VPS13B: variants seen among roughly 807,000 people sequenced by gnomAD.
The protein encoded by VPS13B is vacuolar protein sorting 13 homolog B.
VPS13B carries 285 observed loss-of-function variants against 426.4 expected under a neutral mutation model. That is an observed-to-expected ratio of 0.67 (90% CI 0.61 to 0.74). The LOEUF is 0.74. Ranked by LOEUF, VPS13B falls within the 30% of genes least tolerant of loss-of-function variation. VPS13B has a pLI of 0.00. For synonymous variants in VPS13B, 1,676 were observed against 1,676.4 expected (o/e 1.00, Z 0.01); for missense variants, 4,537 against 4,782.6 (o/e 0.95, Z 1.51).
In VPS13B at chr8:99,808,443, G is replaced by A. The variant is rs1266399694; in HGVS notation, c.7942-932G>A. Among the ~76,000 whole-genome samples the A allele has an allele frequency of 2.7e-5, 4 of 150,138 alleles. No individual in the cohort carries two copies. The East Asian group carries it at 7.8e-4, about 29-fold the overall frequency. On this transcript the variant is annotated intron_variant, in intron 43 of 61. Transcript: ENST00000357162. Reference sequence around the variant, plus strand: ...AGGCAAGAGAATCGCTTGAACCCAGGACGTGGAGGTTGCAGTGAGCTGAGA... The same window carrying A: ...AGGCAAGAGAATCGCTTGAACCCAGAACGTGGAGGTTGCAGTGAGCTGAGA...
chr8:99,114,938 G>A (rs991794204), intron 6 of VPS13B, among the ~76,000 whole-genome samples: 2 of 152,262 alleles, frequency 1.3e-5, no homozygotes, highest in African/African-American at 4.8e-5. Context: ...ATATTCCACT[G>A]ATGTCTCTTT....
intron 3 of VPS13B, among the ~76,000 whole-genome samples, chr8:99,050,690 C>T (rs952956896): frequency 2.6e-5 from 4 of 152,202 alleles, no homozygotes; most frequent in Non-Finnish European, 5.9e-5. Context: ...TCCTCTCCAG[C>T]ACCTGTTGTT....
At chr8:99,466,035 C>T (rs188218493) in intron 23 of VPS13B, among the ~76,000 whole-genome samples, 7 of 152,114 alleles carry the variant, frequency 4.6e-5, no homozygotes, top group Non-Finnish European at 7.4e-5. Context: ...TATTTAGACT[C>T]CTCTAAAATA....
rs1357188829 is a variant in VPS13B, at chr8:99,642,181, A to G, written c.5591A>G (p.Gln1864Arg). 4.3e-6 allele frequency: 7 copies of G among 1,614,198 alleles called. No homozygotes were observed. Among genetic ancestry groups the G allele is most frequent in the South Asian group, 1.1e-5 (1 of 91,086 alleles). The change falls in exon 34 of 62, where the codon CAG becomes CGG. Residue 1864 changes from glutamine to arginine, a missense_variant. Gln to Arg is a conservative substitution (Grantham distance 43, BLOSUM62 1). Around this residue, in one of 2 missense-constraint regions of VPS13B, gnomAD observed 4,311 missense variants for 4,474.3 expected, o/e 0.96. Transcript: ENST00000357162. The stretch of plus-strand genomic sequence containing the variant: ...GATTCAGATGTTGCTAAGCCCAACC[A>G]GGCATGTATTTCCACGGTGACAGCA... ...EVDSDVAKPNQACISTVTAED... is the reference protein window; with the variant it reads ...EVDSDVAKPNRACISTVTAED...
intron 4 of VPS13B, among the ~76,000 whole-genome samples, chr8:99,102,519 A>T (rs748286812): frequency 3.3e-5 from 5 of 152,282 alleles, no homozygotes; most frequent in Middle Eastern, 3.4e-3. Flanking sequence ...CTGGTTTAAA[A>T]AGAGGCTTAA....
chr8:99,646,012 A>G (rs1829562071), intron 34 of VPS13B, among the ~76,000 whole-genome samples: 2 of 152,186 alleles, frequency 1.3e-5, no homozygotes, highest in South Asian at 4.1e-4. Context: ...CAGAGAGAGC[A>G]GTAAGTTGGG....
At chr8:99,812,849 G>A (rs1028162072) in intron 44 of VPS13B, among the ~76,000 whole-genome samples, 1 of 151,948 alleles carries the variant, frequency 6.6e-6, no homozygotes, top group Non-Finnish European at 1.5e-5. Context: ...ATTCTTCTTG[G>A]CACTGATCTA....
chr8:99,387,395 A>AT (rs1317092153), intron 20 of VPS13B, among the ~76,000 whole-genome samples: 8 of 151,224 alleles, frequency 5.3e-5, no homozygotes, highest in South Asian at 2.1e-4. Context: ...TTAAAAAACA[A>AT]TTTTTTTTGT....
intron 27 of VPS13B, among the ~76,000 whole-genome samples, chr8:99,504,198 C>T (rs1365853083): frequency 1.3e-5 from 2 of 152,308 alleles, no homozygotes; most frequent in East Asian, 3.9e-4. Flanking sequence ...CTTGCTTACT[C>T]TCTTACCATG....
intron 23 of VPS13B, among the ~76,000 whole-genome samples, chr8:99,461,632 T>C (rs1311040034): frequency 2.0e-5 from 3 of 152,186 alleles, no homozygotes; most frequent in Non-Finnish European, 4.4e-5. Context: ...AGTGAAAGCA[T>C]TGACAATTTC....
Position 99,143,097 on chromosome 8 carries a change from A to G in VPS13B, c.1775A>G (p.His592Arg). The G allele has an allele frequency of 6.2e-7, 1 of 1,614,072 alleles. No individual in the cohort carries two copies. Among genetic ancestry groups the G allele is most frequent in the Non-Finnish European group, 8.5e-7 (1 of 1,179,966 alleles). The change falls in exon 13 of 62, where the codon CAT (histidine) becomes CGT (arginine). Residue 592 changes from histidine (H) to arginine (R), a missense_variant. By Grantham distance (29) the His-to-Arg change is conservative (BLOSUM62 0). Transcript: ENST00000357162. ...TTTCGTTTGGATAGCAGTGCGGTGC[A>G]TAGGATTTTGAAAATGATTGTGTGT... ...LDFRLDSSAV[H>R]RILKMIVCAL...
rs1278724496 is a variant in VPS13B, at chr8:99,699,917, A to G, written c.6439A>G (p.Thr2147Ala). The G allele has an allele frequency of 6.2e-7, 1 of 1,614,024 alleles. No individual in the cohort carries two copies. The highest frequency in any genetic ancestry group is 2.2e-5 in the East Asian group (1 of 44,874). ...NLNGSLSVKA[T>A]QKVPGIILGS... ...CAATGGAAGCCTTAGTGTCAAGGCA[A>G]CACAAAAAGTACCTGGTAAGTCACA... Residue 2147 changes from threonine (T) to alanine (A), a missense_variant, in exon 36 of 62, where the codon ACA becomes GCA. By Grantham distance (58) the Thr-to-Ala change is moderately conservative. Transcript: ENST00000357162.
intron 19 of VPS13B, among the ~76,000 whole-genome samples, chr8:99,275,898 C>CA (rs1818869032): frequency 6.6e-6 from 1 of 152,044 alleles, no homozygotes; most frequent in Admixed American, 6.5e-5. Context: ...TTAGCAAAGT[C>CA]AGGGTGTTCA....
At chr8:99,699,329 A>G (rs1363801652) in intron 35 of VPS13B, among the ~76,000 whole-genome samples, 196 bp from the exon 36 acceptor site, 1 of 152,040 alleles carries the variant, frequency 6.6e-6, no homozygotes, top group Non-Finnish European at 1.5e-5. Flanking sequence ...TAAGTAGTCC[A>G]GGGAGAGTGC....
At chr8:99,247,827 G>C (rs1817304079) in intron 17 of VPS13B, among the ~76,000 whole-genome samples, 1 of 151,652 alleles carries the variant, frequency 6.6e-6, no homozygotes, top group Admixed American at 6.6e-5. Context: ...TGTTATTTGG[G>C]GCAGGGAAAA....
intron 6 of VPS13B, among the ~76,000 whole-genome samples, chr8:99,113,722 G>A (rs1328552428): frequency 6.6e-6 from 1 of 151,982 alleles, no homozygotes. Flanking sequence ...CGGCCACCAG[G>A]CCTGGCTAAT....
Position 99,013,796 on chromosome 8 carries a change from A to G in VPS13B, c.8A>G (p.Glu3Gly). 6.2e-7 allele frequency: 1 copy of G among 1,614,144 alleles called. No homozygotes were observed. Among genetic ancestry groups the G allele is most frequent in the South Asian group, 1.1e-5 (1 of 91,082 alleles). Reference protein sequence around the residue: MLESYVTPILMSY... With the variant: MLGSYVTPILMSY... ...GACTCCTTACCTTAAAAGATGCTGG[A>G]GTCATATGTAACTCCAATTTTAATG... The change falls in exon 2 of 62, where the codon GAG (glutamate) becomes GGG (glycine). Residue 3 changes from glutamate (E) to glycine (G), a missense_variant. Physicochemically the swap from Glu to Gly is moderately conservative, Grantham distance 98 (BLOSUM62 -2). Around this residue, in one of 2 missense-constraint regions of VPS13B, gnomAD observed 226 missense variants for 308.3 expected, o/e 0.73. Transcript: ENST00000357162.
chr8:99,544,387 G>A (rs533937914), intron 30 of VPS13B, among the ~76,000 whole-genome samples: 5 of 151,986 alleles, frequency 3.3e-5, no homozygotes, highest in South Asian at 2.1e-4. Context: ...TGGGTGCAGC[G>A]CACCAGCATG....
intron 20 of VPS13B, chr8:99,389,655 T>G (rs924267390): frequency 1.3e-4 from 20 of 152,248 alleles, no homozygotes; most frequent in Admixed American, 9.2e-4. Flanking sequence ...AATAGTAGAC[T>G]GAGGAGGAGG....
Sources: allele counts gnomAD v4.1 joint callset (sites outside exome capture counted in the v4.1 genomes callset), GRCh38; gene constraint gnomAD v4.1.1; regional missense constraint gnomAD v4.1.1; transcripts MANE v1.5; gene names NCBI Gene and HGNC (gene_info 2026-07-23, HGNC 2026-07-21).